NBEA: variants seen among roughly 807,000 people sequenced by gnomAD.
The protein encoded by NBEA is neurobeachin.
In NBEA, 44 loss-of-function variants were observed where a neutral mutation model predicts 343.4. The ratio of observed to expected loss-of-function variants is 0.13; its 90% confidence interval spans 0.10 to 0.16. NBEA has a LOEUF of 0.16. Ranked by LOEUF, NBEA falls within the 10% of genes least tolerant of loss-of-function variation. NBEA has a pLI of 1.00. For missense variants in NBEA, 2,555 were observed against 3,631.3 expected (o/e 0.70, Z 7.62); for synonymous variants, 1,175 against 1,238.7 (o/e 0.95, Z 1.08).
chr13:35,183,909 C>A, intron 29 of NBEA, 67 bp from the exon 30 acceptor site: 2 of 1,118,202 alleles, frequency 1.8e-6, no homozygotes, highest in Non-Finnish European at 2.6e-6. Flanking sequence ...TGTCATGGAT[C>A]TTCAGTGGAC....
intron 1 of NBEA, among the ~76,000 whole-genome samples, chr13:34,996,015 G>A (rs1054883392): frequency 6.6e-6 from 1 of 152,170 alleles, no homozygotes; most frequent in Admixed American, 6.6e-5. Flanking sequence ...GCTTGGAAAA[G>A]CAAGGATTCC....
chr13:35,092,603 GAA>G (rs1566273226), intron 10 of NBEA, among the ~76,000 whole-genome samples: 1 of 151,944 alleles, frequency 6.6e-6, no homozygotes. Context: ...AATAGTTCAT[GAA>G]AAGATACTCA....
chr13:35,256,610 C>T (rs2032627875), intron 34 of NBEA, among the ~76,000 whole-genome samples: 1 of 152,158 alleles, frequency 6.6e-6, no homozygotes, highest in Non-Finnish European at 1.5e-5. Context: ...CCGAGGGGCG[C>T]CTGCAGGCTC....
intron 35 of NBEA, among the ~76,000 whole-genome samples, chr13:35,299,561 A>G (rs1280207370): frequency 6.6e-6 from 1 of 152,200 alleles, no homozygotes; most frequent in Non-Finnish European, 1.5e-5. Context: ...CTTCATCTTG[A>G]GGAAATTTTA....
intron 40 of NBEA, among the ~76,000 whole-genome samples, chr13:35,465,082 C>T (rs1420957828): frequency 2.6e-5 from 4 of 152,058 alleles, no homozygotes; most frequent in Admixed American, 6.5e-5. Context: ...TTATAACTCT[C>T]ATTGGTTTTC....
chr13:35,449,870 T>C (rs1278077485), intron 39 of NBEA, among the ~76,000 whole-genome samples: 4 of 152,194 alleles, frequency 2.6e-5, no homozygotes, highest in Admixed American at 2.6e-4. Context: ...TCAAAATATA[T>C]GTCTAACAAT....
chr13:34,942,516 AGGCAGCGGCGGC>A lies in NBEA; in HGVS notation c.-295_-284del, dbSNP rs1382855476. 2 of 192,838 alleles carry A rather than the reference AGGCAGCGGCGGC, an allele frequency of 1.0e-5. No homozygotes were observed. Among genetic ancestry groups the A allele is most frequent in the Admixed American group, 6.2e-5 (1 of 16,244 alleles). 11.9% of individuals were successfully genotyped at this position (192,838 alleles called of 1,614,324 possible). A position where few individuals can be genotyped will look rare whatever the true frequency, so the allele number is the denominator to read the frequency against. On this transcript the variant is annotated 5_prime_UTR_variant, in exon 1 of 59. Transcript: ENST00000379939. ...ACAGACCGGGAGAGGGAGAGAGCAG[AGGCAGCGGCGGC>A]GGCAGCGGCAGCGGCAGCGGCACAC...
At chr13:35,286,262 A>C (rs1423677279) in intron 34 of NBEA, among the ~76,000 whole-genome samples, 1 of 152,102 alleles carries the variant, frequency 6.6e-6, no homozygotes, top group Non-Finnish European at 1.5e-5. Flanking sequence ...CTAAAAAATG[A>C]TGTTCTTATT....
intron 38 of NBEA, among the ~76,000 whole-genome samples, chr13:35,427,285 T>C (rs1222952890): frequency 6.6e-6 from 1 of 152,032 alleles, no homozygotes; most frequent in Non-Finnish European, 1.5e-5. Flanking sequence ...TGGTCTTTGA[T>C]GATGGTGACG....
chr13:35,223,132 G>A (rs1463425267), intron 33 of NBEA, among the ~76,000 whole-genome samples: 2 of 151,940 alleles, frequency 1.3e-5, no homozygotes, highest in Non-Finnish European at 2.9e-5. Context: ...ACTCTGTCTT[G>A]AAAAAGAAAA....
rs952122646 is a variant in NBEA at position 35,162,568 on chromosome 13, CTCT to C, written c.4079+608_4079+610del. ...CTTCTTCCTGTTTTTCCTCTGCCTC[CTCT>C]TCTTCTCTCTCCTCTTTCACTTTCT... On this transcript the variant is annotated intron_variant, in intron 23 of 58. Transcript: ENST00000379939. 6.1e-4 allele frequency among the ~76,000 whole-genome samples: 93 copies of C among 152,090 alleles called. 1 individual carries two copies. The highest frequency in any genetic ancestry group is 2.0e-3 in the African/African-American group (85 of 41,504).
At position 35,651,896 on chromosome 13, in the gene NBEA, T is replaced by G; in HGVS notation, c.8035+20T>G. 1 of 1,328,096 alleles carries G rather than the reference T, an allele frequency of 7.5e-7. No homozygotes were observed. Among genetic ancestry groups the G allele is most frequent in the East Asian group, 2.5e-5 (1 of 39,874 alleles). The allele number at this position is 1,328,096 out of a possible 1,614,324, so 82.3% of individuals were successfully genotyped here. A position where few individuals can be genotyped will look rare whatever the true frequency, so the allele number is the denominator to read the frequency against. ...TAATAGGTATGTTAATAAAAAAGAA[T>G]AAATTTTCATGGATACTATCCATAT... On this transcript the variant is annotated intron_variant, in intron 53 of 58. Transcript: ENST00000379939.
At chr13:35,576,670 A>C (rs893010947) in intron 45 of NBEA, among the ~76,000 whole-genome samples, 2 of 152,152 alleles carry the variant, frequency 1.3e-5, no homozygotes, top group Admixed American at 1.3e-4. Context: ...CTGTTGATAT[A>C]CTGTCATATA....
chr13:35,604,882 A>T (rs908802900), intron 47 of NBEA, among the ~76,000 whole-genome samples: 1 of 152,136 alleles, frequency 6.6e-6, no homozygotes, highest in African/African-American at 2.4e-5. Flanking sequence ...GTCTCTCCTG[A>T]CTTGCCCAGA....
intron 28 of NBEA, among the ~76,000 whole-genome samples, 184 bp downstream of exon 28, chr13:35,177,287 T>A (rs2070971965): frequency 6.6e-6 from 1 of 151,914 alleles, no homozygotes; most frequent in Non-Finnish European, 1.5e-5. Flanking sequence ...ATTGATAATG[T>A]TACTTTTAAA....
At chr13:35,481,731 T>G (rs1374551295) in intron 41 of NBEA, among the ~76,000 whole-genome samples, 2 of 151,910 alleles carry the variant, frequency 1.3e-5, no homozygotes, top group African/African-American at 4.8e-5. Flanking sequence ...ACAGGATAAA[T>G]GGGCTCACAT....
intron 46 of NBEA, among the ~76,000 whole-genome samples, chr13:35,591,586 TCACC>T (rs1362207499): frequency 6.6e-6 from 1 of 152,080 alleles, no homozygotes; most frequent in Non-Finnish European, 1.5e-5. Context: ...ATCTCTTTCA[TCACC>T]CTTTTCTCTC....
At chr13:35,123,406 T>G (rs1003139283) in intron 16 of NBEA, 76 bp from the exon 17 acceptor site, 1 of 705,618 alleles carries the variant, frequency 1.4e-6, no homozygotes, top group African/African-American at 1.8e-5. Flanking sequence ...TATGTATAAT[T>G]TATCTGTAAA....
chr13:35,451,220 T>C (rs1303755303), intron 39 of NBEA, among the ~76,000 whole-genome samples: 1 of 152,034 alleles, frequency 6.6e-6, no homozygotes, highest in Non-Finnish European at 1.5e-5. Context: ...GCCTCCCGGG[T>C]TCACGCCATT....
Sources: allele counts gnomAD v4.1 joint callset (sites outside exome capture counted in the v4.1 genomes callset), GRCh38; gene constraint gnomAD v4.1.1; transcripts MANE v1.5; gene names NCBI Gene and HGNC (gene_info 2026-07-23, HGNC 2026-07-21).